Variants in FGD5 observed in about 807,000 individuals in gnomAD.
The protein encoded by FGD5 is FYVE, RhoGEF and PH domain-containing protein 5.
Under a neutral mutation model 133.4 loss-of-function variants are expected in FGD5, and 28 were observed. The observed-to-expected ratio is 0.21, with a 90% CI of 0.16 to 0.29. The LOEUF (loss-of-function observed/expected upper bound fraction) is 0.29. FGD5 is among the 10% of genes least tolerant of loss of function. The pLI, the probability that FGD5 is intolerant of heterozygous loss-of-function variation, is 1.00. For missense variants in FGD5, 1,858 were observed against 1,895.2 expected (o/e 0.98, Z 0.36); for synonymous variants, 810 against 776.5 (o/e 1.04, Z -0.72).
intron 10 of FGD5, among the ~76,000 whole-genome samples, chr3:14,910,572 T>C (rs1455520723): frequency 6.6e-6 from 1 of 152,208 alleles, no homozygotes; most frequent in Non-Finnish European, 1.5e-5. Flanking sequence ...GATTTTAGAC[T>C]TCTGAGATTT....
chr3:14,876,303 A>G lies in FGD5; in HGVS notation c.2659-4269A>G, dbSNP rs1410296386. Among the ~76,000 whole-genome samples the G allele has an allele frequency of 2.6e-5, 4 of 152,188 alleles. No individual in the cohort carries two copies. The South Asian group carries it at 8.3e-4, about 31-fold the overall frequency. ...CACAACCCTTTGCTGTCTTTGTGTGACAGCCTCTGAAACAGTGGTTCTCAA... is the reference window on the plus strand; with the variant it reads ...CACAACCCTTTGCTGTCTTTGTGTGGCAGCCTCTGAAACAGTGGTTCTCAA... On this transcript the variant is annotated intron_variant, in intron 2 of 19. Coordinates refer to ENST00000285046, the MANE Select transcript of FGD5 (RefSeq NM_152536.4).
chr3:14,835,702 A>G (rs935044661), intron 1 of FGD5, among the ~76,000 whole-genome samples: 2 of 152,180 alleles, frequency 1.3e-5, no homozygotes, highest in South Asian at 4.1e-4. Flanking sequence ...GAAGAAGAAC[A>G]GGGAGAATTC....
intron 2 of FGD5, among the ~76,000 whole-genome samples, chr3:14,871,893 C>G (rs562499474): frequency 6.6e-6 from 1 of 152,262 alleles, no homozygotes; most frequent in Non-Finnish European, 1.5e-5. Flanking sequence ...AGTGGTCACT[C>G]TCTCTCGCTC....
At chr3:14,841,455 T>C (rs979732088) in intron 1 of FGD5, among the ~76,000 whole-genome samples, 15 of 152,048 alleles carry the variant, frequency 9.9e-5, no homozygotes, top group Non-Finnish European at 1.5e-4. Context: ...TATCAAATTA[T>C]GGAGGATTGA....
chr3:14,829,931 C>T (rs777708272), intron 1 of FGD5, among the ~76,000 whole-genome samples: 12 of 152,130 alleles, frequency 7.9e-5, no homozygotes, highest in Admixed American at 2.0e-4. Context: ...CCGTAGACAG[C>T]GCTGCAGCAA....
At chr3:14,818,048 T>C (rs2036403615), upstream of FGD5, among the ~76,000 whole-genome samples, 1 of 152,194 alleles carries the variant, frequency 6.6e-6, no homozygotes, top group African/African-American at 2.4e-5. Flanking sequence ...AAATATCACC[T>C]TCTTTAAGAG....
chr3:14,823,611 A>G (rs1250088855), intron 1 of FGD5, among the ~76,000 whole-genome samples: 2 of 152,260 alleles, frequency 1.3e-5, no homozygotes, highest in East Asian at 1.9e-4. Flanking sequence ...GCACTTGCGT[A>G]AGATCTCTCA....
intron 1 of FGD5, among the ~76,000 whole-genome samples, chr3:14,853,855 T>C (rs1191201687): frequency 1.1e-5 from 1 of 88,444 alleles, no homozygotes; most frequent in East Asian, 5.2e-4. Flanking sequence ...ATTTGGAGCC[T>C]AGTCCTTTGG....
At chr3:14,840,070 C>G (rs1395111422) in intron 1 of FGD5, among the ~76,000 whole-genome samples, 3 of 152,190 alleles carry the variant, frequency 2.0e-5, no homozygotes, top group African/African-American at 7.2e-5. Flanking sequence ...AGCCCCCTGC[C>G]TAGTTACTGC....
At position 14,901,011 on chromosome 3, in the gene FGD5, A is replaced by C. The variant is rs906456790; in HGVS notation, c.3214A>C (p.Ser1072Arg). 3.1e-6 allele frequency: 5 copies of C among 1,613,986 alleles called. No homozygotes were observed. In the Admixed American group the frequency reaches 8.3e-5, roughly 27 times the overall value. The change falls in exon 9 of 20, where the codon AGC (serine) becomes CGC (arginine). Residue 1072 changes from serine (S) to arginine (R), a missense_variant. Physicochemically the swap from Ser to Arg is moderately radical, Grantham distance 110. Coordinates refer to ENST00000285046, the MANE Select transcript of FGD5 (RefSeq NM_152536.4). ...TCTGTGTCCCTCCCCAGGTGCACTG[A>C]GCCTCATCTCCAAAGTCACAGACCG... ...AEYDNTQGALSLISKVTDRAN... is the reference protein window; with the variant it reads ...AEYDNTQGALRLISKVTDRAN...
At position 14,897,568 on chromosome 3, in the gene FGD5, A is replaced by G. The variant is rs1234853961; in HGVS notation, c.2808A>G (p.Thr936=). 1.2e-6 allele frequency: 2 copies of G among 1,605,134 alleles called. No homozygotes were observed. The highest frequency in any genetic ancestry group is 1.3e-5 in the African/African-American group (1 of 74,800). Reference sequence around the variant, plus strand: ...ACATGGACCATGAAGGCAGAGACACATTGGCCCGGGAGGAGCTGAGGCAGG... The same window carrying G: ...ACATGGACCATGAAGGCAGAGACACGTTGGCCCGGGAGGAGCTGAGGCAGG... The part of the protein sequence containing the change: ...LDDMDHEGRD[T]LAREELRQGL... The change falls in exon 5 of 20, where the codon ACA becomes ACG. Residue 936 remains threonine (T), a synonymous_variant. Transcript: ENST00000285046.
upstream of FGD5, among the ~76,000 whole-genome samples, chr3:14,816,329 A>G (rs1165767665): frequency 6.6e-6 from 1 of 152,190 alleles, no homozygotes; most frequent in African/African-American, 2.4e-5. Flanking sequence ...CAATGTTGAC[A>G]GTGTGAAGCT....
At chr3:14,882,757 C>G (rs1443543488) in intron 4 of FGD5, among the ~76,000 whole-genome samples, 2 of 150,896 alleles carry the variant, frequency 1.3e-5, no homozygotes, top group Non-Finnish European at 2.9e-5. Flanking sequence ...TGGTCTGGAG[C>G]TGTATTTTAA....
intron 1 of FGD5, among the ~76,000 whole-genome samples, chr3:14,823,641 A>G (rs2036546987): frequency 6.6e-6 from 1 of 152,258 alleles, no homozygotes; most frequent in African/African-American, 2.4e-5. Context: ...TGGAGAAATC[A>G]GTGTCCAAAC....
At chr3:14,882,451 A>T in intron 4 of FGD5, 1 of 669,604 alleles carries the variant, frequency 1.5e-6, no homozygotes, top group Non-Finnish European at 1.8e-6. Flanking sequence ...TAATCTCAGC[A>T]CTTTGGGAGG....
intron 10 of FGD5, among the ~76,000 whole-genome samples, chr3:14,910,480 C>T (rs577683827): frequency 5.9e-5 from 9 of 152,294 alleles, no homozygotes; most frequent in Middle Eastern, 3.4e-3. Context: ...CTCCTGAGCT[C>T]AAGTGATCCT....
intron 4 of FGD5, among the ~76,000 whole-genome samples, chr3:14,885,650 C>T (rs1198819358): frequency 1.3e-5 from 2 of 152,110 alleles, no homozygotes; most frequent in Non-Finnish European, 2.9e-5. Context: ...TCTGCCTACG[C>T]GAGTTTGGGC....
In FGD5 at chr3:14,819,858, C is replaced by A; in HGVS notation, c.787C>A (p.Gln263Lys). 1 of 1,612,814 alleles carries A rather than the reference C, an allele frequency of 6.2e-7. No homozygotes were observed. The highest frequency in any genetic ancestry group is 8.5e-7 in the Non-Finnish European group (1 of 1,179,446). ...TGAGAAGGAGGAGCTGGCCGGGGTC[C>A]AGGAGGCAGAGACAGCCACAGACTG... is the stretch of plus-strand genomic sequence containing the variant. Reference protein sequence around the residue: ...PPEKEELAGVQEAETATDCPE... With the variant: ...PPEKEELAGVKEAETATDCPE... Residue 263 changes from glutamine to lysine, a missense_variant, in exon 1 of 20, where the codon CAG becomes AAG. Physicochemically the swap from Gln to Lys is moderately conservative, Grantham distance 53. This residue lies in a region of FGD5 where 1,824 missense variants were observed against 1,848.9 expected (regional missense o/e 0.99). Coordinates refer to ENST00000285046, the MANE Select transcript of FGD5 (RefSeq NM_152536.4). This position sits in a 1 kb window ranked among gnomAD's most constrained non-coding sequence, Gnocchi z 4.1.
chr3:14,817,746 C>G (rs1365060352), upstream of FGD5, among the ~76,000 whole-genome samples: 1 of 152,146 alleles, frequency 6.6e-6, no homozygotes, highest in Non-Finnish European at 1.5e-5. Flanking sequence ...ATACCCAAGC[C>G]TTAGTGGGAA....
Sources: allele counts gnomAD v4.1 joint callset (sites outside exome capture counted in the v4.1 genomes callset), GRCh38; gene constraint gnomAD v4.1.1; regional missense constraint gnomAD v4.1.1; non-coding constraint Gnocchi (gnomAD v3.1); transcripts MANE v1.5; gene names NCBI Gene and HGNC (gene_info 2026-07-23, HGNC 2026-07-21).